DNAH3: variants seen among roughly 807,000 people sequenced by gnomAD.
The protein encoded by DNAH3 is dynein axonemal heavy chain 3.
In DNAH3, 332 loss-of-function variants were observed where a neutral mutation model predicts 432.5. The ratio of observed to expected loss-of-function variants is 0.77; its 90% CI spans 0.70 to 0.84. The LOEUF is 0.84. Ranked by LOEUF, DNAH3 falls within the 40% of genes least tolerant of loss-of-function variation. The pLI is 0.00. For missense variants in DNAH3, 4,861 were observed against 5,114.0 expected (o/e 0.95, Z 1.51); for synonymous variants, 1,956 against 1,900.2 (o/e 1.03, Z -0.76).
intron 44 of DNAH3, among the ~76,000 whole-genome samples, chr16:20,993,611 C>T (rs945822944): frequency 2.6e-5 from 4 of 152,162 alleles, no homozygotes; most frequent in African/African-American, 9.7e-5. Context: ...CTACTGAAAA[C>T]ACTTAAAGTT....
chr16:21,126,634 G>T (rs2092451059), intron 8 of DNAH3, among the ~76,000 whole-genome samples: 1 of 152,120 alleles, frequency 6.6e-6, no homozygotes, highest in Admixed American at 6.6e-5. Context: ...TAAAGCAGGG[G>T]TCCCCAACCC....
intron 52 of DNAH3, among the ~76,000 whole-genome samples, chr16:20,967,904 T>C (rs922618345): frequency 5.3e-5 from 8 of 152,142 alleles, no homozygotes; most frequent in African/African-American, 1.9e-4. Flanking sequence ...CAACTTATTA[T>C]ACATTAGCTA....
chr16:21,098,019 C>T (rs1198982800), intron 17 of DNAH3, among the ~76,000 whole-genome samples: 1 of 152,156 alleles, frequency 6.6e-6, no homozygotes, highest in East Asian at 1.9e-4. Flanking sequence ...AGCTCTTGAC[C>T]ATTGCTAAGC....
chr16:20,977,769 T>C (rs1166975725), intron 50 of DNAH3, among the ~76,000 whole-genome samples: 4 of 152,236 alleles, frequency 2.6e-5, no homozygotes, highest in Non-Finnish European at 4.4e-5. Flanking sequence ...GCACTAGGGA[T>C]GCAGTAGGAC....
rs60889532 is a variant in DNAH3 at position 21,067,776 on chromosome 16, G to GGAGAGAGAGAGAGA, written c.3382-371_3382-358dup. On this transcript the variant is annotated intron_variant, in intron 23 of 61. Coordinates refer to ENST00000261383, the Ensembl canonical transcript of DNAH3. ...CAGTCTTGGGGGGGGGGGTGGGGAG[G>GGAGAGAGAGAGAGA]GAGAGAGAGAGAGAGAGAGAGAGAG... Among the ~76,000 whole-genome samples the GGAGAGAGAGAGAGA allele has an allele frequency of 4.9e-3, 199 of 40,864 alleles. 12 individuals are homozygous for GGAGAGAGAGAGAGA. Among genetic ancestry groups the GGAGAGAGAGAGAGA allele is most frequent in the East Asian group, 0.013 (7 of 520 alleles). The allele number at this position is 40,864 out of a possible 152,430, so 26.8% of individuals were successfully genotyped here.
At chr16:20,964,940 T>C in exon 53 of DNAH3, 1 of 1,614,162 alleles carries the variant, frequency 6.2e-7, no homozygotes, top group South Asian at 1.1e-5. Context: ...GCAGCTTCGG[T>C]CCATCTGTCC....
At chr16:21,126,186 A>AAC (rs36054726) in intron 8 of DNAH3, among the ~76,000 whole-genome samples, 42,750 of 151,858 alleles carry the variant, frequency 0.28, 6,115 homozygotes, top group African/African-American at 0.33. Flanking sequence ...AAACAACAAC[A>AAC]AACAAACAAA....
chr16:21,077,176 T>C (rs985246814), intron 20 of DNAH3, among the ~76,000 whole-genome samples: 9 of 146,642 alleles, frequency 6.1e-5, no homozygotes, highest in Non-Finnish European at 1.2e-4. Flanking sequence ...TATTTTTTTT[T>C]CCCCCAGATG....
chr16:20,980,382 G>GGA (rs964027263), intron 49 of DNAH3, among the ~76,000 whole-genome samples: 9 of 124,834 alleles, frequency 7.2e-5, no homozygotes, highest in East Asian at 2.3e-4. Flanking sequence ...ATGTGGGGGG[G>GGA]GAGAGAGAGA....
intron 6 of DNAH3, among the ~76,000 whole-genome samples, chr16:21,135,266 C>CA (rs1267389219): frequency 6.6e-6 from 1 of 151,896 alleles, no homozygotes; most frequent in Non-Finnish European, 1.5e-5. Context: ...TAGATGCACA[C>CA]AAAAAAACCC....
chr16:21,033,779 C>T (rs1055415180), intron 36 of DNAH3, among the ~76,000 whole-genome samples, 195 bp downstream of exon 36: 8 of 152,078 alleles, frequency 5.3e-5, no homozygotes, highest in African/African-American at 1.9e-4. Context: ...ACATGAAATC[C>T]CTTGTTATTA....
In DNAH3 at chr16:21,031,292, C is replaced by A; in HGVS notation, c.5198-6G>T. The A allele has an allele frequency of 6.2e-7, 1 of 1,614,030 alleles. No homozygotes were observed. Among genetic ancestry groups the A allele is most frequent in the East Asian group, 2.2e-5 (1 of 44,880 alleles). ...AAACTCCTCCATCTGATTGGCTGGG[C>A]AAGAAGGTTCAACACCAGTTATAAA... On this transcript the variant is annotated splice_polypyrimidine_tract_variant and splice_region_variant and intron_variant, in intron 36 of 61. Coordinates refer to ENST00000261383, the Ensembl canonical transcript of DNAH3.
chr16:21,007,226 T>C (rs1045883602), intron 41 of DNAH3, among the ~76,000 whole-genome samples: 3 of 150,642 alleles, frequency 2.0e-5, no homozygotes, highest in Admixed American at 2.0e-4. Flanking sequence ...TTTTTTTTTT[T>C]TGAGGCAGGG....
rs555405241 is a variant in DNAH3 at position 21,093,166 on chromosome 16, T to C, written c.2665+4189A>G. Among the ~76,000 whole-genome samples, 78 of 152,322 alleles carry C rather than the reference T, an allele frequency of 5.1e-4. No homozygotes were observed. The South Asian group carries it at 7.2e-3, about 14-fold the overall frequency. On this transcript the variant is annotated intron_variant, in intron 18 of 61. Transcript: ENST00000261383. ...GGCAAGGATGTGGAGCAACAGGAAA[T>C]GTCATTTATATTGGTGGAAATACAA...
At chr16:21,149,124 G>A (rs529426091) in intron 1 of DNAH3, among the ~76,000 whole-genome samples, 6 of 151,752 alleles carry the variant, frequency 4.0e-5, no homozygotes, top group Non-Finnish European at 5.9e-5. Context: ...AGCTACTCAG[G>A]AGACTGAGGC....
chr16:21,112,070 C>T (rs1404877621), exon 13 of DNAH3: 2 of 1,613,020 alleles, frequency 1.2e-6, no homozygotes, highest in African/African-American at 1.3e-5. Flanking sequence ...TCCAATAAGT[C>T]AACATACTTT....
At chr16:21,128,876 A>G (rs937707442) in intron 7 of DNAH3, among the ~76,000 whole-genome samples, 2 of 141,322 alleles carry the variant, frequency 1.4e-5, no homozygotes, top group African/African-American at 5.4e-5. Context: ...AAAAAAAAAA[A>G]AAAAAAAAGC....
At chr16:21,091,257 T>A (rs2152784477) in intron 18 of DNAH3, among the ~76,000 whole-genome samples, 1 of 152,268 alleles carries the variant, frequency 6.6e-6, no homozygotes, top group East Asian at 1.9e-4. Context: ...GGTGTGGATA[T>A]GTTAATTAGC....
At chr16:21,050,658 G>T (rs187107804) in intron 29 of DNAH3, among the ~76,000 whole-genome samples, 167 of 152,186 alleles carry the variant, frequency 1.1e-3, no homozygotes, top group African/African-American at 3.9e-3. Context: ...CAAGCGGGTT[G>T]GTCTCAAACT....
Sources: gnomAD v4.1 joint callset for allele counts (sites outside exome capture counted in the v4.1 genomes callset) on GRCh38, gnomAD v4.1.1 for gene constraint, MANE v1.5 for transcripts, NCBI Gene and HGNC (gene_info 2026-07-23, HGNC 2026-07-21) for gene names.